CHN2: variants seen among roughly 807,000 people sequenced by gnomAD.
CHN2 encodes the protein chimerin 2.
A neutral mutation model predicts 56.3 loss-of-function variants in CHN2; 35 were observed. The observed-to-expected ratio is 0.62, with a 90% CI of 0.47 to 0.82. The LOEUF (loss-of-function observed/expected upper bound fraction) is 0.82, where lower values mean the gene tolerates loss of function less well. Among genes scored for constraint, CHN2 ranks in the 40% least tolerant of loss-of-function variants. The probability of loss-of-function intolerance (pLI) is 0.00; values close to 1 mark genes in which losing one functional copy is unlikely to be tolerated. For synonymous variants in CHN2, 210 were observed against 212.8 expected (o/e 0.99, Z 0.12); for missense variants, 491 against 580.5 (o/e 0.85, Z 1.58).
chr7:29,189,331 A>G (rs2128752337), intron 2 of CHN2, among the ~76,000 whole-genome samples: 1 of 152,294 alleles, frequency 6.6e-6, no homozygotes, highest in African/African-American at 2.4e-5. Context: ...TGACTGAGTG[A>G]ATTAATGAAT....
chr7:29,235,719 A>AGATTG (rs1787139380), intron 1 of CHN2, among the ~76,000 whole-genome samples: 2 of 152,372 alleles, frequency 1.3e-5, no homozygotes, highest in East Asian at 3.9e-4. Context: ...AAAAAGAATG[A>AGATTG]AATCATGTCC....
intron 1 of CHN2, among the ~76,000 whole-genome samples, chr7:29,262,031 G>C (rs1789594848): frequency 6.6e-6 from 1 of 152,150 alleles, no homozygotes; most frequent in South Asian, 2.1e-4. Context: ...AGCCAGGCAT[G>C]GTGGCGTGAG....
intron 2 of CHN2, among the ~76,000 whole-genome samples, chr7:29,366,285 G>T (rs1284312798): frequency 6.6e-6 from 1 of 152,118 alleles, no homozygotes; most frequent in East Asian, 1.9e-4. Context: ...TCCCTAGGGA[G>T]AAGAAAGAGA....
chr7:29,146,599 A>T (rs770946319), exon 1 of CHN2: 1 of 1,550,382 alleles, frequency 6.5e-7, no homozygotes, highest in East Asian at 2.4e-5. Flanking sequence ...CCAGACCCAC[A>T]GGGCAAAAAG....
At chr7:29,331,227 G>A (rs1194334005) in intron 1 of CHN2, among the ~76,000 whole-genome samples, 1 of 152,220 alleles carries the variant, frequency 6.6e-6, no homozygotes, top group Non-Finnish European at 1.5e-5. Flanking sequence ...ACTCAGCTGG[G>A]ATGTTGAAGA....
intron 1 of CHN2, among the ~76,000 whole-genome samples, chr7:29,263,913 T>G (rs1250477171): frequency 6.9e-6 from 1 of 145,312 alleles, no homozygotes; most frequent in Non-Finnish European, 1.5e-5. Flanking sequence ...CCCGGCAGCC[T>G]CCCTGTCCGG....
chr7:29,231,537 A>G (rs1038597318), intron 1 of CHN2, among the ~76,000 whole-genome samples: 4 of 152,112 alleles, frequency 2.6e-5, no homozygotes, highest in African/African-American at 9.7e-5. Context: ...CAACAAAGAG[A>G]TATCTCCTTA....
intron 1 of CHN2, chr7:29,212,354 C>T: frequency 6.5e-7 from 1 of 1,534,134 alleles, no homozygotes. Context: ...AAGCATCCGA[C>T]TGTAAAGAAT....
chr7:29,434,310 G>A (rs970522706), intron 6 of CHN2, among the ~76,000 whole-genome samples: 1 of 152,132 alleles, frequency 6.6e-6, no homozygotes, highest in African/African-American at 2.4e-5. Context: ...GAAATGTAAA[G>A]GCCCCTTGTC....
chr7:29,259,660 A>G (rs7789390), intron 1 of CHN2, among the ~76,000 whole-genome samples: 39,298 of 152,040 alleles, frequency 0.26, 5,264 homozygotes, highest in African/African-American at 0.3. Flanking sequence ...TGGTGACTAT[A>G]ATTAATACTG....
chr7:29,482,723 A>G (rs1013670849), intron 7 of CHN2, among the ~76,000 whole-genome samples: 1 of 151,390 alleles, frequency 6.6e-6, no homozygotes, highest in Non-Finnish European at 1.5e-5. Flanking sequence ...TAAGCAGTCA[A>G]TAAAAAGAAC....
intron 3 of CHN2, 109 bp from the exon 4 acceptor site, chr7:29,393,570 C>T (rs1440306893): frequency 4.0e-6 from 2 of 504,350 alleles, no homozygotes; most frequent in Non-Finnish European, 6.7e-6. Flanking sequence ...AGGATACAAT[C>T]TGTAATAAAA....
intron 1 of CHN2, among the ~76,000 whole-genome samples, chr7:29,222,131 A>G (rs577614882): frequency 1.3e-5 from 2 of 152,314 alleles, no homozygotes; most frequent in East Asian, 3.9e-4. Flanking sequence ...AAAGAATAAA[A>G]TACCTAGGAA....
At chr7:29,349,631 A>G (rs945837184) in intron 1 of CHN2, among the ~76,000 whole-genome samples, 5 of 152,162 alleles carry the variant, frequency 3.3e-5, no homozygotes, top group Non-Finnish European at 7.4e-5. Flanking sequence ...TTCAATTACT[A>G]CCTTAGGCTA....
At chr7:29,273,343 GTATATATATATATATATATATA>G (rs55722880) in intron 1 of CHN2, among the ~76,000 whole-genome samples, 87 of 58,194 alleles carry the variant, frequency 1.5e-3, no homozygotes, top group South Asian at 9.6e-3. Flanking sequence ...ATATATATGT[GTATATATATATATATATATATA>G]TATATATATA....
At chr7:29,318,091 G>A (rs1795085451) in intron 1 of CHN2, among the ~76,000 whole-genome samples, 1 of 152,204 alleles carries the variant, frequency 6.6e-6, no homozygotes, top group South Asian at 2.1e-4. Flanking sequence ...CATGAGTGTT[G>A]CTGTGTTTAC....
chr7:29,443,081 C>T (rs1372805507), intron 6 of CHN2, among the ~76,000 whole-genome samples: 12 of 150,606 alleles, frequency 8.0e-5, no homozygotes, highest in African/African-American at 2.5e-4. Context: ...GCTGGGACTA[C>T]AGGCGCCCGC....
chr7:29,328,670 T>TA (rs375118116), intron 1 of CHN2, among the ~76,000 whole-genome samples: 234 of 139,080 alleles, frequency 1.7e-3, no homozygotes, highest in Middle Eastern at 3.7e-3. Context: ...ATTGCTGAAT[T>TA]AAAAAAAAAA....
intron 1 of CHN2, among the ~76,000 whole-genome samples, chr7:29,209,171 G>C (rs537704181): frequency 5.3e-5 from 8 of 152,218 alleles, no homozygotes; most frequent in South Asian, 2.1e-4. Context: ...AGATGGTCCA[G>C]CCTCTCCTGA....
Sources: gnomAD v4.1 joint callset for allele counts (sites outside exome capture counted in the v4.1 genomes callset) on GRCh38, gnomAD v4.1.1 for gene constraint, MANE v1.5 for transcripts, NCBI Gene and HGNC (gene_info 2026-07-23, HGNC 2026-07-21) for gene names.